The following ZNF844 variants were observed in gnomAD, a reference collection of about 807,000 sequenced individuals.
The protein encoded by ZNF844 is zinc finger protein 844.
Under a neutral mutation model 11.4 loss-of-function variants are expected in ZNF844, and 11 were observed. The ratio of observed to expected loss-of-function variants is 0.97; its 90% CI spans 0.61 to 1.60. ZNF844 has a LOEUF of 1.60. Ranked by LOEUF, ZNF844 falls within the 40% of genes most tolerant of loss-of-function variation. The pLI, the probability that ZNF844 is intolerant of heterozygous loss-of-function variation, is 0.00. For missense variants in ZNF844, 790 were observed against 796.8 expected (o/e 0.99, Z 0.10); for synonymous variants, 248 against 260.3 (o/e 0.95, Z 0.46).
Position 12,074,321 on chromosome 19 carries a change from T to C in ZNF844, c.131-40T>C, listed in dbSNP as rs756643166. The C allele has an allele frequency of 2.7e-6, 4 of 1,494,372 alleles. No homozygotes were observed. The South Asian group carries it at 5.1e-5, about 19-fold the overall frequency. 92.6% of individuals were successfully genotyped at this position (1,494,372 alleles called of 1,614,324 possible). On this transcript the variant is annotated intron_variant, in intron 2 of 3. Transcript: ENST00000439326. Reference sequence around the variant, plus strand: ...GAATCTAATCATTTTTTCATAATTTTATTTTAATTCAGGATTCTTTTTCTG... The same window carrying C: ...GAATCTAATCATTTTTTCATAATTTCATTTTAATTCAGGATTCTTTTTCTG...
Position 12,076,154 on chromosome 19 carries a change from C to G in ZNF844, c.1034C>G (p.Ala345Gly). 1 of 1,577,684 alleles carries G rather than the reference C, an allele frequency of 6.3e-7. No homozygotes were observed. Among genetic ancestry groups the G allele is most frequent in the South Asian group, 1.1e-5 (1 of 87,600 alleles). ...TGTGAATGTAAACAATGTGGGAAAG[C>G]ATTATCTTATCTTAACTTTCAAAGA... is the stretch of plus-strand genomic sequence containing the variant. Reference protein sequence around the residue: ...KPCECKQCGKALSYLNFQRHM... With the variant: ...KPCECKQCGKGLSYLNFQRHM... Residue 345 changes from alanine to glycine, a missense_variant, in exon 4 of 4, where the codon GCA becomes GGA. This residue lies in a region of ZNF844 where 657 missense variants were observed against 636.2 expected (regional missense o/e 1.03). Coordinates refer to ENST00000439326, the MANE Select transcript of ZNF844 (RefSeq NM_001136501.3).
At position 12,066,760 on chromosome 19, in the gene ZNF844, A is replaced by G. The variant is rs933464635; in HGVS notation, c.3+1884A>G. On this transcript the variant is annotated intron_variant, in intron 1 of 3. Transcript: ENST00000439326. ...ACGGGGTTTCAACGTGTTAGCCAGG[A>G]TGGTCTGGATTTCCTGACCTCATGA... 5.3e-5 allele frequency among the ~76,000 whole-genome samples: 8 copies of G among 150,988 alleles called. No individual in the cohort carries two copies. In the South Asian group the frequency reaches 1.0e-3, roughly 20 times the overall value.
Position 12,073,445 on chromosome 19 carries a change from C to T in ZNF844, c.4-586C>T, listed in dbSNP as rs1025378108. On this transcript the variant is annotated intron_variant, in intron 1 of 3. Coordinates refer to ENST00000439326, the MANE Select transcript of ZNF844 (RefSeq NM_001136501.3). ...TCCTGGGATTACAGGTGTGAGCCAC[C>T]GCGCCCGGCCCACAGTACTGTTTTT... Among the ~76,000 whole-genome samples the T allele has an allele frequency of 3.3e-5, 5 of 152,144 alleles. 1 individual carries two copies. Among genetic ancestry groups the T allele is most frequent in the African/African-American group, 4.8e-5 (2 of 41,440 alleles).
chr19:12,073,978 C>A (rs1975778916), intron 1 of ZNF844, 53 bp from the exon 2 acceptor site: 6 of 1,581,312 alleles, frequency 3.8e-6, no homozygotes, highest in South Asian at 1.1e-5. Context: ...GGGTATAGAC[C>A]CCCAGTGCTG....
Position 12,080,364 on chromosome 19 carries a change from A to G in ZNF844, c.*3243A>G. On this transcript the variant is annotated 3_prime_UTR_variant, in exon 4 of 4. Coordinates refer to ENST00000439326, the MANE Select transcript of ZNF844 (RefSeq NM_001136501.3). ...TCCGTCTCAAAAAAAAAAAAAAAAAAAAGAGAAGTCTGACAGGACAATAAA... is the reference window on the plus strand; with the variant it reads ...TCCGTCTCAAAAAAAAAAAAAAAAAGAAGAGAAGTCTGACAGGACAATAAA... 2.6e-6 allele frequency: 1 copy of G among 382,990 alleles called. No individual in the cohort carries two copies. The allele number at this position is 382,990 out of a possible 1,614,324, so 23.7% of individuals were successfully genotyped here.
intron 1 of ZNF844, among the ~76,000 whole-genome samples, chr19:12,065,698 C>T (rs1975680462): frequency 1.3e-5 from 2 of 149,836 alleles, no homozygotes; most frequent in East Asian, 4.0e-4. Flanking sequence ...AGTGCAATGA[C>T]ACGATCTGGG....
In ZNF844 at chr19:12,080,305, G is replaced by A. The variant is rs878881610; in HGVS notation, c.*3184G>A. On this transcript the variant is annotated 3_prime_UTR_variant, in exon 4 of 4. Coordinates refer to ENST00000439326, the MANE Select transcript of ZNF844 (RefSeq NM_001136501.3). ...GCAGAGCTTGCAGTGAACCGAGATC[G>A]CGCCACTGCACTCCAGCGGCGACAG... 34 of 249,164 alleles carry A rather than the reference G, an allele frequency of 1.4e-4. No homozygotes were observed. Among genetic ancestry groups the A allele is most frequent in the South Asian group, 6.9e-4 (18 of 26,144 alleles). 15.4% of individuals were successfully genotyped at this position (249,164 alleles called of 1,614,324 possible).
At chr19:12,065,263 C>T (rs1448466386) in intron 1 of ZNF844, among the ~76,000 whole-genome samples, 1 of 152,074 alleles carries the variant, frequency 6.6e-6, no homozygotes, top group Admixed American at 6.5e-5. Flanking sequence ...CTCAGTGCCC[C>T]CTTTCTCCTG....
chr19:12,071,696 GTTTT>G (rs562646552), intron 1 of ZNF844, among the ~76,000 whole-genome samples: 1 of 136,138 alleles, frequency 7.3e-6, no homozygotes, highest in Non-Finnish European at 1.6e-5. Context: ...AATCAATTAG[GTTTT>G]TTTTTTTTTT....
At position 12,075,931 on chromosome 19, in the gene ZNF844, C is replaced by T. The variant is rs750372833; in HGVS notation, c.811C>T (p.His271Tyr). The part of the protein sequence containing the change: ...AFGSPNSLYE[H>Y]RRTHTGEKPY... ...CGGTAGTCCCAATTCCCTTTATGAA[C>T]ATAGAAGAACTCACACTGGAGAGAA... The change falls in exon 4 of 4, where the codon CAT becomes TAT. Residue 271 changes from histidine (H) to tyrosine (Y), a missense_variant. This residue lies in a region of ZNF844 where 657 missense variants were observed against 636.2 expected (regional missense o/e 1.03). Transcript: ENST00000439326. 6.2e-7 allele frequency: 1 copy of T among 1,600,310 alleles called. No individual in the cohort carries two copies.
chr19:12,073,419 G>T (rs898278912), intron 1 of ZNF844, among the ~76,000 whole-genome samples: 1 of 152,086 alleles, frequency 6.6e-6, no homozygotes, highest in Non-Finnish European at 1.5e-5. Flanking sequence ...GCCTTCCAAA[G>T]TCCTGGGATT....
Position 12,077,392 on chromosome 19 carries a change from A to G in ZNF844, c.*271A>G, listed in dbSNP as rs1975841517. 2 of 733,626 alleles carry G rather than the reference A, an allele frequency of 2.7e-6. No individual in the cohort carries two copies. Among genetic ancestry groups the G allele is most frequent in the African/African-American group, 1.7e-5 (1 of 57,774 alleles). 45.4% of individuals were successfully genotyped at this position (733,626 alleles called of 1,614,324 possible). A position where few individuals can be genotyped will look rare whatever the true frequency, so the allele number is the denominator to read the frequency against. On this transcript the variant is annotated 3_prime_UTR_variant, in exon 4 of 4. Transcript: ENST00000439326. ...GGAGAGAAACAGTATGAGTGTAAGC[A>G]GTGTGGTAAAGCCTTCATGTCTTCT...
In ZNF844 at chr19:12,070,087, G is replaced by A. The variant is rs563255680; in HGVS notation, c.4-3944G>A. The A allele has an allele frequency of 3.6e-5, 5 of 140,106 alleles. No individual in the cohort carries two copies. In the East Asian group the frequency reaches 8.4e-4, roughly 23 times the overall value. 8.7% of individuals were successfully genotyped at this position (140,106 alleles called of 1,614,324 possible). ...TGCCTGGGCAATATAATGAGACCCCGTTCTCCACAAAAAGGAAAAAAAAAA... is the reference window on the plus strand; with the variant it reads ...TGCCTGGGCAATATAATGAGACCCCATTCTCCACAAAAAGGAAAAAAAAAA... On this transcript the variant is annotated intron_variant, in intron 1 of 3. Transcript: ENST00000439326.
rs1389679273 is a variant in ZNF844, at chr19:12,079,593, T to A, written c.*2472T>A. The A allele has an allele frequency of 6.8e-6, 1 of 147,804 alleles. No homozygotes were observed. The highest frequency in any genetic ancestry group is 1.5e-5 in the Non-Finnish European group (1 of 66,890). The allele number at this position is 147,804 out of a possible 1,614,324, so 9.2% of individuals were successfully genotyped here. ...GAATCACTTGAACCCAGGAGCTGGA[T>A]GTTGCAGTGACCCGAGATTACGCCA... On this transcript the variant is annotated 3_prime_UTR_variant, in exon 4 of 4. Transcript: ENST00000439326.
rs1975822376 is a variant in ZNF844, at chr19:12,076,521, A to G, written c.1401A>G (p.Glu467=). 6.2e-7 allele frequency: 1 copy of G among 1,610,608 alleles called. No homozygotes were observed. Among genetic ancestry groups the G allele is most frequent in the African/African-American group, 1.3e-5 (1 of 74,754 alleles). The stretch of plus-strand genomic sequence containing the variant: ...TGCCTCACACCTTCAAATGCATGGA[A>G]GGACTCACACTCAAGAGAAACCCTA... ...SDLPHTFKCM[E]GLTLKRNPMN... is the part of the protein sequence containing the mutation. Residue 467 remains glutamate, a synonymous_variant, in exon 4 of 4, where the codon GAA becomes GAG. Coordinates refer to ENST00000439326, the MANE Select transcript of ZNF844 (RefSeq NM_001136501.3).
At position 12,081,518 on chromosome 19, in the gene ZNF844, CTTAA is replaced by C. The variant is rs1293828969; in HGVS notation, c.*4404_*4407del. ...TGTATACTGACAAACATTATTCTTT[CTTAA>C]TTAATTCAGTAGCTATATTAAAATA... On this transcript the variant is annotated 3_prime_UTR_variant, in exon 4 of 4. Transcript: ENST00000439326. 1.1e-4 allele frequency: 16 copies of C among 152,250 alleles called. No homozygotes were observed. The highest frequency in any genetic ancestry group is 3.9e-4 in the African/African-American group (16 of 41,556). The allele number at this position is 152,250 out of a possible 1,614,324, so 9.4% of individuals were successfully genotyped here.
At position 12,064,748 on chromosome 19, in the gene ZNF844, G is replaced by A. The variant is rs1317477999; in HGVS notation, c.-126G>A. 3.0e-6 allele frequency: 3 copies of A among 1,008,656 alleles called. No homozygotes were observed. In the African/African-American group the frequency reaches 5.0e-5, roughly 17 times the overall value. The allele number at this position is 1,008,656 out of a possible 1,614,324, so 62.5% of individuals were successfully genotyped here. The stretch of plus-strand genomic sequence containing the variant: ...TTCGCCTCAGTCTTTGGCCCCTCCC[G>A]CCGGGTGAGGTTGGCACCCCGTTTT... On this transcript the variant is annotated 5_prime_UTR_variant, in exon 1 of 4. Transcript: ENST00000439326.
chr19:12,074,006 C>T (rs770082402), intron 1 of ZNF844, 25 bp from the exon 2 acceptor site: 3 of 1,607,596 alleles, frequency 1.9e-6, no homozygotes, highest in South Asian at 2.2e-5. Context: ...CACCCATCCT[C>T]CTCTATACAT....
At chr19:12,073,143 T>G (rs1975769230) in intron 1 of ZNF844, among the ~76,000 whole-genome samples, 1 of 151,992 alleles carries the variant, frequency 6.6e-6, no homozygotes, top group Non-Finnish European at 1.5e-5. Flanking sequence ...AATTACAATT[T>G]AAGTTTTCCT....
Sources: allele counts gnomAD v4.1 joint callset (sites outside exome capture counted in the v4.1 genomes callset), GRCh38; gene constraint gnomAD v4.1.1; regional missense constraint gnomAD v4.1.1; transcripts MANE v1.5; gene names NCBI Gene and HGNC (gene_info 2026-07-23, HGNC 2026-07-21).